Variants in MORF4L1 observed in about 807,000 individuals in gnomAD.
MORF4L1 encodes the protein mortality factor 4 like 1, also known as mortality factor 4-like protein 1.
A neutral mutation model predicts 52.9 loss-of-function variants in MORF4L1; 4 were observed. The ratio of observed to expected loss-of-function variants is 0.08; its 90% CI spans 0.04 to 0.17. MORF4L1 has a LOEUF of 0.17. Ranked by LOEUF, MORF4L1 falls within the 10% of genes least tolerant of loss-of-function variation. MORF4L1 has a pLI of 1.00. For synonymous variants in MORF4L1, 123 were observed against 134.8 expected (o/e 0.91, Z 0.61); for missense variants, 214 against 390.4 (o/e 0.55, Z 3.81).
intron 2 of MORF4L1, among the ~76,000 whole-genome samples, chr15:78,879,001 A>G (rs910657637): frequency 6.6e-6 from 1 of 152,074 alleles, no homozygotes; most frequent in Non-Finnish European, 1.5e-5. Flanking sequence ...AAAGTGTCAG[A>G]CATTTCTGAC....
In MORF4L1 at chr15:78,884,208, A is replaced by AAAAAAAAC. The variant is rs1555439761; in HGVS notation, c.156-1927_156-1926insACAAAAAA. On this transcript the variant is annotated intron_variant, in intron 3 of 11. Coordinates refer to ENST00000426013, the MANE Select transcript of MORF4L1 (RefSeq NM_006791.4). ...GACAGAGCAAGACTCCATCTCAAAA[A>AAAAAAAAC]AAAAAACAAAAAGCTGAAATTCTTG... is the stretch of plus-strand genomic sequence containing the variant. Among the ~76,000 whole-genome samples the AAAAAAAAC allele has an allele frequency of 1.6e-3, 231 of 146,710 alleles. 2 individuals are homozygous for AAAAAAAAC. Among genetic ancestry groups the AAAAAAAAC allele is most frequent in the African/African-American group, 5.1e-3 (202 of 39,684 alleles).
chr15:78,881,911 T>C (rs867380250), intron 3 of MORF4L1, among the ~76,000 whole-genome samples: 4 of 152,216 alleles, frequency 2.6e-5, no homozygotes, highest in African/African-American at 9.6e-5. Context: ...GGAAGGAGTT[T>C]ATTTTTCCTG....
At chr15:78,896,166 A>G (rs1312557659) in intron 11 of MORF4L1, among the ~76,000 whole-genome samples, 1 of 151,588 alleles carries the variant, frequency 6.6e-6, no homozygotes, top group East Asian at 1.9e-4. Context: ...TTTAGTAGAG[A>G]TGGGGTTTTG....
intron 5 of MORF4L1, among the ~76,000 whole-genome samples, chr15:78,888,593 G>C (rs1363135309): frequency 6.6e-6 from 1 of 152,064 alleles, no homozygotes; most frequent in African/African-American, 2.4e-5. Context: ...TTACTGATCT[G>C]ATTTTTCTAC....
intron 11 of MORF4L1, among the ~76,000 whole-genome samples, chr15:78,895,747 T>G (rs539190347): frequency 6.6e-6 from 1 of 152,284 alleles, no homozygotes; most frequent in African/African-American, 2.4e-5. Context: ...GGGCGTGGTG[T>G]TGGAAGGGAG....
At chr15:78,891,919 T>G (rs2056807980) in intron 7 of MORF4L1, among the ~76,000 whole-genome samples, 1 of 152,204 alleles carries the variant, frequency 6.6e-6, no homozygotes, top group Non-Finnish European at 1.5e-5. Context: ...AATACTAAGT[T>G]AAAATGTATC....
chr15:78,876,881 C>T (rs1203173290), intron 1 of MORF4L1, among the ~76,000 whole-genome samples: 1 of 152,010 alleles, frequency 6.6e-6, no homozygotes, highest in African/African-American at 2.4e-5. Context: ...CTGGGAGAGT[C>T]TAATAATATG....
chr15:78,892,154 A>G, intron 7 of MORF4L1, 58 bp from the exon 8 acceptor site: 1 of 1,227,894 alleles, frequency 8.1e-7, no homozygotes, highest in East Asian at 2.4e-5. Flanking sequence ...GCTCCCCTCC[A>G]TGTTTGGTAT....
rs780789681 is a variant in MORF4L1 at position 78,887,041 on chromosome 15, A to G, written c.243-228A>G. Among the ~76,000 whole-genome samples the G allele has an allele frequency of 1.6e-4, 24 of 152,250 alleles. 1 individual carries two copies. The Middle Eastern group carries it at 0.01, about 65-fold the overall frequency. ...AATTCCAAAACAAATGGAATTTTCA[A>G]TGCTATGAGAACAGTCTATTACAGT... On this transcript the variant is annotated intron_variant, in intron 4 of 11. Coordinates refer to ENST00000426013, the MANE Select transcript of MORF4L1 (RefSeq NM_006791.4).
intron 1 of MORF4L1, among the ~76,000 whole-genome samples, chr15:78,876,305 G>T (rs1567298226): frequency 6.6e-6 from 1 of 151,264 alleles, no homozygotes; most frequent in Admixed American, 6.6e-5. Context: ...TTATAAAAAA[G>T]TTTTTTTTTA....
chr15:78,897,888 A>G lies in MORF4L1; in HGVS notation c.*821A>G, dbSNP rs2056916125. ...TAGCTTTGGTACGTAGCGCTAATCC[A>G]TAGCAGCTTTGGCAGTTTGCTGTCT... is the stretch of plus-strand genomic sequence containing the variant. On this transcript the variant is annotated 3_prime_UTR_variant, in exon 12 of 12. Transcript: ENST00000426013. The G allele has an allele frequency of 6.6e-6, 1 of 152,456 alleles. No homozygotes were observed. The highest frequency in any genetic ancestry group is 1.5e-5 in the Non-Finnish European group (1 of 68,044). 9.4% of individuals were successfully genotyped at this position (152,456 alleles called of 1,614,324 possible). A position where few individuals can be genotyped will look rare whatever the true frequency, so the allele number is the denominator to read the frequency against.
At chr15:78,876,844 T>A (rs908649504) in intron 1 of MORF4L1, among the ~76,000 whole-genome samples, 1 of 152,182 alleles carries the variant, frequency 6.6e-6, no homozygotes, top group Non-Finnish European at 1.5e-5. Context: ...TAGAACTGAT[T>A]TAAAAATAAA....
At position 78,873,134 on chromosome 15, in the gene MORF4L1, G is replaced by A; in HGVS notation, c.40+77G>A. On this transcript the variant is annotated intron_variant, in intron 1 of 11. Transcript: ENST00000426013. Reference sequence around the variant, plus strand: ...CGGGCTCGAGGTGATTGAGGCTTGAGGGCCGGGGGCGGCGCGGGCTGCGCC... The same window carrying A: ...CGGGCTCGAGGTGATTGAGGCTTGAAGGCCGGGGGCGGCGCGGGCTGCGCC... 3.9e-6 allele frequency: 6 copies of A among 1,540,496 alleles called. 1 individual carries two copies. Among genetic ancestry groups the A allele is most frequent in the Middle Eastern group, 3.7e-4 (2 of 5,474 alleles).
chr15:78,885,065 AC>A, intron 3 of MORF4L1: 3 of 1,612,540 alleles, frequency 1.9e-6, no homozygotes, highest in Non-Finnish European at 2.5e-6. Context: ...TCAGTACACC[AC>A]CCCCTCCTGA....
At chr15:78,883,130 G>A (rs1315041152) in intron 3 of MORF4L1, among the ~76,000 whole-genome samples, 11 of 151,246 alleles carry the variant, frequency 7.3e-5, no homozygotes, top group Non-Finnish European at 1.6e-4. Flanking sequence ...CAGGAGAATC[G>A]CTTGAACCCA....
At chr15:78,885,529 C>T (rs1292056562) in intron 3 of MORF4L1, among the ~76,000 whole-genome samples, 1 of 152,170 alleles carries the variant, frequency 6.6e-6, no homozygotes, top group African/African-American at 2.4e-5. Flanking sequence ...AGAATGGTGT[C>T]AAATCATTTT....
Position 78,891,091 on chromosome 15 carries a change from A to G in MORF4L1, c.349+77A>G, listed in dbSNP as rs1484030670. ...ACGTTTTTATTTTGAAAGCTATGAA[A>G]TTTTGGAGTAAGCTTATGTTTATTG... is the stretch of plus-strand genomic sequence containing the variant. On this transcript the variant is annotated intron_variant, in intron 6 of 11. Coordinates refer to ENST00000426013, the MANE Select transcript of MORF4L1 (RefSeq NM_006791.4). 4 of 1,397,782 alleles carry G rather than the reference A, an allele frequency of 2.9e-6. No homozygotes were observed. In the South Asian group the frequency reaches 3.7e-5, roughly 13 times the overall value. The allele number at this position is 1,397,782 out of a possible 1,614,324, so 86.6% of individuals were successfully genotyped here.
intron 3 of MORF4L1, among the ~76,000 whole-genome samples, chr15:78,884,661 ACACACACAC>A (rs2056666475): frequency 3.6e-4 from 12 of 33,770 alleles, no homozygotes; most frequent in East Asian, 3.3e-3. Flanking sequence ...AAAAAAAAAT[ACACACACAC>A]ACACACACAC....
Position 78,897,227 on chromosome 15 carries a change from G to A in MORF4L1, c.*160G>A. ...AGAGAAAAAATAAAAGGGGGTAATA[G>A]CTCCTTTTTTCTTCTTTCTTTTTTT... On this transcript the variant is annotated 3_prime_UTR_variant, in exon 12 of 12. Coordinates refer to ENST00000426013, the MANE Select transcript of MORF4L1 (RefSeq NM_006791.4). 1.9e-6 allele frequency: 1 copy of A among 531,322 alleles called. No homozygotes were observed. Among genetic ancestry groups the A allele is most frequent in the Admixed American group, 3.4e-5 (1 of 29,518 alleles). The allele number at this position is 531,322 out of a possible 1,614,324, so 32.9% of individuals were successfully genotyped here.
Sources: allele counts gnomAD v4.1 joint callset (sites outside exome capture counted in the v4.1 genomes callset), GRCh38; gene constraint gnomAD v4.1.1; transcripts MANE v1.5; gene names NCBI Gene and HGNC (gene_info 2026-07-23, HGNC 2026-07-21).